The following FNBP1 variants were observed in gnomAD, a reference collection of about 807,000 sequenced individuals.
FNBP1 encodes formin binding protein 1, also known as formin-binding protein 1.
Under a neutral mutation model 90.6 loss-of-function variants are expected in FNBP1, and 26 were observed. The observed-to-expected ratio is 0.29, with a 90% CI of 0.21 to 0.40. FNBP1 has a LOEUF of 0.40. FNBP1 is among the 10% of genes least tolerant of loss of function. FNBP1 has a pLI of 1.00. For synonymous variants in FNBP1, 260 were observed against 265.2 expected (o/e 0.98, Z 0.19); for missense variants, 635 against 768.0 (o/e 0.83, Z 2.05).
rs2036650169 is a variant in FNBP1 at position 129,900,249 on chromosome 9, T to A, written c.1551-148A>T. On this transcript the variant is annotated intron_variant, in intron 14 of 16. Transcript: ENST00000446176. This position sits in a 1 kb window ranked among gnomAD's most constrained non-coding sequence, Gnocchi z 4.1. ...CATGGTAAATCATCGCACGCTCAGA[T>A]CACCCATCCCATGTGGAATTATAAA... The A allele has an allele frequency of 1.8e-6, 2 of 1,124,672 alleles. No homozygotes were observed. The highest frequency in any genetic ancestry group is 2.4e-6 in the Non-Finnish European group (2 of 822,034). The allele number at this position is 1,124,672 out of a possible 1,614,324, so 69.7% of individuals were successfully genotyped here. A position where few individuals can be genotyped will look rare whatever the true frequency, so the allele number is the denominator to read the frequency against.
chr9:129,964,471 T>C (rs1429276411), intron 4 of FNBP1, among the ~76,000 whole-genome samples: 2 of 152,066 alleles, frequency 1.3e-5, no homozygotes, highest in Non-Finnish European at 2.9e-5. Context: ...CAAACCCTAA[T>C]AGTTTCTGGG....
intron 6 of FNBP1, among the ~76,000 whole-genome samples, chr9:129,941,280 T>C (rs899106935): frequency 1.3e-5 from 2 of 152,214 alleles, no homozygotes; most frequent in African/African-American, 2.4e-5. Context: ...TCCAGGCTAC[T>C]TGGGAGGCTG....
intron 11 of FNBP1, among the ~76,000 whole-genome samples, chr9:129,913,588 T>C (rs13288583): frequency 0.31 from 47,706 of 151,896 alleles, 8,962 homozygotes; most frequent in Non-Finnish European, 0.43. Context: ...CTGGCCAGCA[T>C]GGTGAAACCC....
intron 12 of FNBP1, among the ~76,000 whole-genome samples, chr9:129,904,746 C>T (rs1397794877): frequency 2.0e-5 from 3 of 151,988 alleles, no homozygotes; most frequent in Non-Finnish European, 4.4e-5. Flanking sequence ...CAGCATGCAT[C>T]ATTCATTATT....
chr9:129,987,270 GC>G (rs2052423653), intron 2 of FNBP1, among the ~76,000 whole-genome samples: 1 of 152,000 alleles, frequency 6.6e-6, no homozygotes, highest in Non-Finnish European at 1.5e-5. Flanking sequence ...CTTCCTTAAT[GC>G]CAAGAGTCAA....
intron 1 of FNBP1, among the ~76,000 whole-genome samples, chr9:130,021,784 T>A (rs2057854101): frequency 1.3e-5 from 2 of 152,208 alleles, no homozygotes; most frequent in African/African-American, 2.4e-5. Flanking sequence ...CATTGGCTTT[T>A]AAATTTCCAA....
chr9:130,021,064 T>C (rs1240515065), intron 1 of FNBP1, among the ~76,000 whole-genome samples: 1 of 152,178 alleles, frequency 6.6e-6, no homozygotes, highest in Non-Finnish European at 1.5e-5. Context: ...GTCAAATTGC[T>C]GGTTATTTTT....
chr9:130,046,344 T>C (rs2060059492), upstream of FNBP1, among the ~76,000 whole-genome samples: 1 of 151,970 alleles, frequency 6.6e-6, no homozygotes, highest in South Asian at 2.1e-4. Context: ...TAATGGTCAA[T>C]AGCTTAATCA....
At chr9:129,914,942 T>C (rs1195562648) in intron 11 of FNBP1, 2 of 459,750 alleles carry the variant, frequency 4.4e-6, no homozygotes, top group Non-Finnish European at 9.0e-6. Flanking sequence ...CTATTATACA[T>C]ATTTGAAGTA....
chr9:129,987,335 G>A (rs1178470186), intron 2 of FNBP1, among the ~76,000 whole-genome samples: 1 of 151,958 alleles, frequency 6.6e-6, no homozygotes, highest in Admixed American at 6.6e-5. Flanking sequence ...TTCAAATATA[G>A]AACCACGACA....
chr9:130,034,050 G>A (rs957025711), intron 1 of FNBP1, among the ~76,000 whole-genome samples: 2 of 149,880 alleles, frequency 1.3e-5, no homozygotes, highest in South Asian at 2.1e-4. Flanking sequence ...GGCCAGCTGC[G>A]GTGGCTCACA....
rs10988544 is a variant in FNBP1, at chr9:129,900,306, G to A, written c.1550+120C>T. 13,077 of 1,183,432 alleles carry A rather than the reference G, an allele frequency of 0.011. 91 individuals carry two copies. Among genetic ancestry groups the A allele is most frequent in the Non-Finnish European group, 0.013 (11,109 of 875,526 alleles). The allele number at this position is 1,183,432 out of a possible 1,614,324, so 73.3% of individuals were successfully genotyped here. ...TCATGGAAAAAGTGACAGGTCAATC[G>A]CAACAGACATTTTGGCATTGAACAA... is the stretch of plus-strand genomic sequence containing the variant. On this transcript the variant is annotated intron_variant, in intron 14 of 16. Coordinates refer to ENST00000446176, the MANE Select transcript of FNBP1 (RefSeq NM_015033.3). The surrounding 1 kb of genome is among the most constrained non-coding windows in gnomAD (Gnocchi z 4.1).
At chr9:129,971,978 C>CCAATCTG (rs2049519795) in intron 4 of FNBP1, among the ~76,000 whole-genome samples, 2 of 152,086 alleles carry the variant, frequency 1.3e-5, no homozygotes. Flanking sequence ...AGGATTCTGC[C>CCAATCTG]GCTGTATCAA....
At chr9:129,898,498 CTT>C (rs995837799) in intron 15 of FNBP1, among the ~76,000 whole-genome samples, 1 of 146,360 alleles carries the variant, frequency 6.8e-6, no homozygotes, top group Non-Finnish European at 1.5e-5. Context: ...AAACTGCCTG[CTT>C]TTTTTTTTTG....
At chr9:130,045,859 A>C (rs549909545), upstream of FNBP1, among the ~76,000 whole-genome samples, 25 of 152,196 alleles carry the variant, frequency 1.6e-4, no homozygotes, top group Admixed American at 2.6e-4. Flanking sequence ...GTTTCCCTTC[A>C]GAGCAGGAGG....
chr9:129,946,061 C>CAGGA (rs1190491218), intron 6 of FNBP1, among the ~76,000 whole-genome samples: 2 of 151,918 alleles, frequency 1.3e-5, no homozygotes, highest in Non-Finnish European at 2.9e-5. Context: ...CCCAGCTACT[C>CAGGA]AGGAGGCTGA....
At chr9:130,040,214 C>T (rs1476030628) in intron 1 of FNBP1, among the ~76,000 whole-genome samples, 1 of 152,196 alleles carries the variant, frequency 6.6e-6, no homozygotes, top group Non-Finnish European at 1.5e-5. Context: ...CTTTGCATTT[C>T]ACCTGAAAAC....
intron 2 of FNBP1, among the ~76,000 whole-genome samples, chr9:129,989,120 A>G (rs2052726772): frequency 6.6e-6 from 1 of 152,144 alleles, no homozygotes; most frequent in South Asian, 2.1e-4. Flanking sequence ...TCACTTCTCA[A>G]GTGATGGGTT....
Position 129,887,875 on chromosome 9 carries a change from A to G in FNBP1, c.*2664T>C, listed in dbSNP as rs2034842023. ...AGGAGACGTTCACGGGAAATTCCAC[A>G]TTCTACTCTATGTGAACTGCTCCAG... On this transcript the variant is annotated 3_prime_UTR_variant, in exon 17 of 17. Transcript: ENST00000446176. The G allele has an allele frequency of 4.3e-6, 1 of 231,502 alleles. No individual in the cohort carries two copies. 14.3% of individuals were successfully genotyped at this position (231,502 alleles called of 1,614,324 possible).
Sources: allele counts gnomAD v4.1 joint callset (sites outside exome capture counted in the v4.1 genomes callset), GRCh38; gene constraint gnomAD v4.1.1; non-coding constraint Gnocchi (gnomAD v3.1); transcripts MANE v1.5; gene names NCBI Gene and HGNC (gene_info 2026-07-23, HGNC 2026-07-21).